CFAP47: variants seen among roughly 807,000 people sequenced by gnomAD.
The protein encoded by CFAP47 is cilia and flagella associated protein 47.
Under a neutral mutation model 148.1 loss-of-function variants are expected in CFAP47, and 29 were observed. The ratio of observed to expected loss-of-function variants is 0.20; its 90% CI spans 0.15 to 0.27. The LOEUF is 0.27. Ranked by LOEUF, CFAP47 falls within the 10% of genes least tolerant of loss-of-function variation. The probability of loss-of-function intolerance (pLI) is 1.00; values close to 1 mark genes in which losing one functional copy is unlikely to be tolerated. For missense variants in CFAP47, 1,872 were observed against 1,697.5 expected, an observed-to-expected ratio of 1.10 and a Z score of -1.81; for synonymous variants, 664 against 577.3, an observed-to-expected ratio of 1.15 and a Z score of -2.15.
At position 36,361,380 on chromosome X, in the gene CFAP47, G is replaced by A. The variant is rs1556019207; in HGVS notation, c.8902G>A (p.Ala2968Thr). 5 of 1,120,617 alleles carry A rather than the reference G, an allele frequency of 4.5e-6. No individual in the cohort carries two copies. In the Admixed American group the frequency reaches 1.1e-4, roughly 25 times the overall value. 92.4% of individuals were successfully genotyped at this position (1,120,617 alleles called of 1,213,427 possible). The change falls in exon 61 of 64, where the codon GCT becomes ACT. Residue 2968 changes from alanine to threonine, a missense_variant. By Grantham distance (58) the Ala-to-Thr change is moderately conservative (BLOSUM62 0). Transcript: ENST00000378653. Reference sequence around the variant, plus strand: ...GTATGAAATTCAATTTGAATCTGAAGCTATGAAGTCTAAGTTGGAATCCTG... The same window carrying A: ...GTATGAAATTCAATTTGAATCTGAAACTATGAAGTCTAAGTTGGAATCCTG... The part of the protein sequence containing the change: ...FEYEIQFESE[A>T]MKSKLESCVA...
At chrX:36,371,942 A>G (rs868911802) in intron 62 of CFAP47, among the ~76,000 whole-genome samples, 1 of 97,616 alleles carries the variant, frequency 1.0e-5, no homozygotes, top group Non-Finnish European at 2.1e-5. Flanking sequence ...ACACATGTGT[A>G]TATGTGTGTG....
At chrX:35,929,631 C>T (rs1295370452) in intron 2 of CFAP47, among the ~76,000 whole-genome samples, 1 of 110,920 alleles carries the variant, frequency 9.0e-6, no homozygotes, top group Non-Finnish European at 1.9e-5. Context: ...TGTTTTTTCC[C>T]ATTCAAAAGC....
intron 57 of CFAP47, among the ~76,000 whole-genome samples, chrX:36,340,381 G>T (rs1164100037): frequency 8.9e-6 from 1 of 111,857 alleles, no homozygotes; most frequent in African/African-American, 3.2e-5. Flanking sequence ...TAGTTTGCTA[G>T]GGCTGCCATA....
intron 57 of CFAP47, among the ~76,000 whole-genome samples, chrX:36,320,219 G>A (rs182155443): frequency 5.2e-4 from 58 of 111,545 alleles, no homozygotes; most frequent in Non-Finnish European, 9.0e-4. Context: ...AAAATCTAAC[G>A]CTAAAAAATT....
chrX:36,127,096 A>G (rs1397556794), intron 33 of CFAP47, among the ~76,000 whole-genome samples: 1 of 111,664 alleles, frequency 9.0e-6, no homozygotes, highest in African/African-American at 3.3e-5. Flanking sequence ...TTTTTAGTTT[A>G]ATTAGATCCC....
In CFAP47 at chrX:36,145,317, C is replaced by T. The variant is rs1305632929; in HGVS notation, c.5634C>T (p.Ser1878=). 3 of 296,164 alleles carry T rather than the reference C, an allele frequency of 1.0e-5. No individual in the cohort carries two copies. The highest frequency in any genetic ancestry group is 5.5e-5 in the African/African-American group (2 of 36,091). 24.4% of individuals were successfully genotyped at this position (296,164 alleles called of 1,213,427 possible). ...LPTYLPKKVV[S]FECTLHDTVL... ...CATATCTCCCTAAGAAGGTGGTGTCCTTTGAATGTACTCTACATGACACGG... is the reference window on the plus strand; with the variant it reads ...CATATCTCCCTAAGAAGGTGGTGTCTTTTGAATGTACTCTACATGACACGG... Residue 1878 remains serine, a synonymous_variant, in exon 36 of 64, where the codon TCC becomes TCT. Transcript: ENST00000378653.
intron 1 of CFAP47, among the ~76,000 whole-genome samples, chrX:35,924,289 GTATGTGTACACATATGTATATATGT>G: frequency 9.9e-6 from 1 of 101,089 alleles, no homozygotes; most frequent in Non-Finnish European, 1.9e-5. Flanking sequence ...ATATGTACAT[GTATGTGTACACATATGTATATATGT>G]ACATGTATGT....
chrX:36,175,277 G>T (rs1020517609), intron 39 of CFAP47, among the ~76,000 whole-genome samples: 1 of 111,715 alleles, frequency 9.0e-6, no homozygotes. Context: ...CAATTTGATC[G>T]TCTGAAGCCT....
chrX:36,235,557 C>T (rs917924219), intron 46 of CFAP47, among the ~76,000 whole-genome samples: 7 of 112,622 alleles, frequency 6.2e-5, no homozygotes, highest in Non-Finnish European at 9.4e-5. Flanking sequence ...AACTCCCTGA[C>T]CTCTTGTGCT....
chrX:36,038,994 G>T lies in CFAP47; in HGVS notation c.3822G>T (p.Gly1274=). 9.2e-7 allele frequency: 1 copy of T among 1,084,452 alleles called. No homozygotes were observed. The allele number at this position is 1,084,452 out of a possible 1,213,427, so 89.4% of individuals were successfully genotyped here. A position where few individuals can be genotyped will look rare whatever the true frequency, so the allele number is the denominator to read the frequency against. Residue 1274 remains glycine (G), a synonymous_variant, in exon 25 of 64, where the codon GGG becomes GGT. Transcript: ENST00000378653. ...VSISFCPNRP[G]TYTADIPMLL... is the part of the protein sequence containing the mutation. Reference sequence around the variant, plus strand: ...TTTGTTTTTCATTAGATCGTCCTGGGACATACACAGCAGATATTCCTATGC... The same window carrying T: ...TTTGTTTTTCATTAGATCGTCCTGGTACATACACAGCAGATATTCCTATGC...
intron 51 of CFAP47, among the ~76,000 whole-genome samples, chrX:36,296,582 T>C (rs1376613499): frequency 1.8e-5 from 2 of 112,435 alleles, no homozygotes; most frequent in Admixed American, 9.5e-5. Context: ...TAAAACAAAT[T>C]ATTGTGGGTT....
intron 39 of CFAP47, among the ~76,000 whole-genome samples, chrX:36,174,135 T>G (rs767303454): frequency 0.015 from 1,576 of 107,242 alleles, 33 homozygotes; most frequent in African/African-American, 0.052. Context: ...CTGCCTTTTT[T>G]TGTTTTCCAT....
intron 42 of CFAP47, among the ~76,000 whole-genome samples, chrX:36,193,471 G>A (rs782792333): frequency 9.0e-6 from 1 of 110,942 alleles, no homozygotes; most frequent in Admixed American, 9.6e-5. Flanking sequence ...TTTGTCCTTT[G>A]ATTTTTTTAT....
chrX:36,267,477 C>CTTTTTTTTT (rs1206035626), intron 49 of CFAP47, among the ~76,000 whole-genome samples: 1 of 82,131 alleles, frequency 1.2e-5, no homozygotes, highest in African/African-American at 5.2e-5. Context: ...GGTTCATGTT[C>CTTTTTTTTT]TTTTTTTTTT....
At chrX:35,953,331 G>T (rs979968418) in intron 6 of CFAP47, among the ~76,000 whole-genome samples, 2 of 111,838 alleles carry the variant, frequency 1.8e-5, no homozygotes, top group African/African-American at 6.5e-5. Context: ...GCTAGACCTT[G>T]ATGACTTGGT....
At chrX:36,104,417 T>A (rs932315033) in intron 32 of CFAP47, 82 bp from the exon 33 acceptor site, 1 of 402,172 alleles carries the variant, frequency 2.5e-6, no homozygotes, top group Non-Finnish European at 4.3e-6. Context: ...TCTCCTGTCA[T>A]GTTTTTTAAA....
intron 29 of CFAP47, among the ~76,000 whole-genome samples, chrX:36,075,114 T>C (rs1937823353): frequency 8.9e-6 from 1 of 111,804 alleles, no homozygotes; most frequent in East Asian, 2.8e-4. Context: ...TGATTTCATT[T>C]ACTTTAAATA....
chrX:36,288,430 C>G (rs912249695), intron 51 of CFAP47, among the ~76,000 whole-genome samples: 1 of 111,919 alleles, frequency 8.9e-6, no homozygotes, highest in African/African-American at 3.2e-5. Context: ...CACTGACACT[C>G]AATAACTCTA....
chrX:36,292,399 GTTGT>G (rs1556005714), intron 51 of CFAP47, among the ~76,000 whole-genome samples: 2 of 111,860 alleles, frequency 1.8e-5, no homozygotes, highest in East Asian at 2.8e-4. Flanking sequence ...ATACCCATTA[GTTGT>G]TTGTTTACTG....
Sources: gnomAD v4.1 joint callset for allele counts (sites outside exome capture counted in the v4.1 genomes callset) on GRCh38, gnomAD v4.1.1 for gene constraint, MANE v1.5 for transcripts, NCBI Gene and HGNC (gene_info 2026-07-23, HGNC 2026-07-21) for gene names.